The following VPS54 variants were observed in gnomAD, a reference collection of about 807,000 sequenced individuals.
The protein encoded by VPS54 is vacuolar protein sorting-associated protein 54.
A neutral mutation model predicts 121.5 loss-of-function variants in VPS54; 45 were observed. The ratio of observed to expected loss-of-function variants is 0.37; its 90% CI spans 0.29 to 0.47. The LOEUF (loss-of-function observed/expected upper bound fraction) is 0.47. VPS54 is among the 20% of genes least tolerant of loss of function. VPS54 has a pLI of 0.99. For missense variants in VPS54, 1,090 were observed against 1,131.4 expected (o/e 0.96, Z 0.52); for synonymous variants, 371 against 385.8 (o/e 0.96, Z 0.45).
intron 1 of VPS54, among the ~76,000 whole-genome samples, chr2:64,018,731 G>A (rs1678830178): frequency 7.1e-6 from 1 of 141,194 alleles, no homozygotes; most frequent in Admixed American, 7.1e-5. Context: ...CCCGATCCCG[G>A]AGGGAGAGTG....
chr2:63,928,031 G>A (rs1410989259), intron 12 of VPS54, among the ~76,000 whole-genome samples: 5 of 152,184 alleles, frequency 3.3e-5, no homozygotes, highest in Non-Finnish European at 2.9e-5. Context: ...CCAAATCTAC[G>A]TTTGATTGGT....
intron 12 of VPS54, among the ~76,000 whole-genome samples, chr2:63,928,729 G>C (rs1674038543): frequency 6.6e-6 from 1 of 151,514 alleles, no homozygotes. Context: ...TGGATAAAGA[G>C]TCAAGACCCA....
chr2:63,929,083 C>A (rs1003660300), intron 12 of VPS54, among the ~76,000 whole-genome samples: 6 of 152,206 alleles, frequency 3.9e-5, no homozygotes, highest in Non-Finnish European at 7.4e-5. Flanking sequence ...GACGTTAATA[C>A]CCCACTGTCA....
chr2:63,989,188 T>G (rs1490075937), intron 1 of VPS54, among the ~76,000 whole-genome samples: 1 of 152,210 alleles, frequency 6.6e-6, no homozygotes, highest in Admixed American at 6.5e-5. Flanking sequence ...TGTTTATCAA[T>G]GACAGTGCCT....
intron 1 of VPS54, among the ~76,000 whole-genome samples, chr2:63,997,357 A>G (rs1677645493): frequency 6.6e-6 from 1 of 152,216 alleles, no homozygotes; most frequent in South Asian, 2.1e-4. Context: ...GAGACTTTTC[A>G]TCACAACTTT....
At chr2:63,951,222 T>C (rs1675225502) in intron 7 of VPS54, among the ~76,000 whole-genome samples, 1 of 151,538 alleles carries the variant, frequency 6.6e-6, no homozygotes, top group Admixed American at 6.6e-5. Flanking sequence ...TTTTTTTTTT[T>C]TTTACAGTCA....
Position 63,893,300 on chromosome 2 carries a change from C to G in VPS54, c.*130G>C. ...CCAGTTTCCCAACACTTGATACTTT[C>G]CTTTTTCCCTTCCCCCACCCCAGTT... On this transcript the variant is annotated 3_prime_UTR_variant, in exon 23 of 23. Coordinates refer to ENST00000272322, the MANE Select transcript of VPS54 (RefSeq NM_016516.3). 2.4e-6 allele frequency: 2 copies of G among 835,878 alleles called. No homozygotes were observed. The highest frequency in any genetic ancestry group is 2.1e-6 in the Non-Finnish European group (1 of 476,902). The allele number at this position is 835,878 out of a possible 1,614,324, so 51.8% of individuals were successfully genotyped here.
intron 3 of VPS54, among the ~76,000 whole-genome samples, 156 bp downstream of exon 3, chr2:63,981,490 A>G (rs1422415727): frequency 6.6e-6 from 1 of 152,178 alleles, no homozygotes; most frequent in Non-Finnish European, 1.5e-5. Context: ...TATTTAAGCA[A>G]AGAATTAAAT....
intron 11 of VPS54, 112 bp downstream of exon 11, chr2:63,942,353 A>G: frequency 1.3e-6 from 1 of 754,640 alleles, no homozygotes; most frequent in Non-Finnish European, 1.9e-6. Flanking sequence ...AAAAATTACA[A>G]AAACAAAGAA....
intron 1 of VPS54, among the ~76,000 whole-genome samples, chr2:64,007,699 A>C (rs1198582976): frequency 6.6e-6 from 1 of 152,208 alleles, no homozygotes; most frequent in African/African-American, 2.4e-5. Flanking sequence ...GATATTACAA[A>C]TGGAGAAAGT....
rs779928101 is a variant in VPS54 at position 63,981,654 on chromosome 2, T to C, written c.370A>G (p.Ile124Val). 3 of 1,580,882 alleles carry C rather than the reference T, an allele frequency of 1.9e-6. No homozygotes were observed. Among genetic ancestry groups the C allele is most frequent in the Admixed American group, 1.8e-5 (1 of 56,104 alleles). ...CCAAGATTAGATATTACCTGAGAGA[T>C]TTCCTGTTGATATACTGTAAAATGT... ...KEHFTVYQQE[I>V]SQREKIHERC... The change falls in exon 3 of 23, where the codon ATC becomes GTC. Residue 124 changes from isoleucine (I) to valine (V), a missense_variant. By Grantham distance (29) the Ile-to-Val change is conservative (BLOSUM62 3). Coordinates refer to ENST00000272322, the MANE Select transcript of VPS54 (RefSeq NM_016516.3).
intron 1 of VPS54, among the ~76,000 whole-genome samples, chr2:64,004,209 T>C (rs907710936): frequency 2.7e-5 from 4 of 148,948 alleles, no homozygotes; most frequent in African/African-American, 9.8e-5. Flanking sequence ...GGAAAGGGGG[T>C]GGGGAAAGAA....
chr2:63,899,689 G>T, intron 20 of VPS54, 108 bp from the exon 21 acceptor site: 3 of 865,548 alleles, frequency 3.5e-6, no homozygotes, highest in East Asian at 2.5e-5. Flanking sequence ...TCCAATTCTG[G>T]CATAGTACTT....
At chr2:63,921,367 A>G in intron 12 of VPS54, 32 bp from the exon 13 acceptor site, 2 of 1,607,886 alleles carry the variant, frequency 1.2e-6, no homozygotes, top group Non-Finnish European at 1.7e-6. Context: ...TTAGTCAGGG[A>G]AAGTTGTAAA....
chr2:63,948,523 A>G (rs1276546202), intron 8 of VPS54, among the ~76,000 whole-genome samples: 1 of 150,520 alleles, frequency 6.6e-6, no homozygotes, highest in African/African-American at 2.4e-5. Flanking sequence ...TAGCCACCCA[A>G]GTAGCTGGGA....
intron 12 of VPS54, among the ~76,000 whole-genome samples, chr2:63,922,907 T>G (rs1259929685): frequency 6.9e-6 from 1 of 144,796 alleles, no homozygotes. Flanking sequence ...AAACAGAAAA[T>G]AGCAAATAAA....
chr2:63,895,367 T>C (rs1672404277), intron 22 of VPS54, among the ~76,000 whole-genome samples: 1 of 152,170 alleles, frequency 6.6e-6, no homozygotes, highest in African/African-American at 2.4e-5. Context: ...GGCAGGAGAA[T>C]TGCTTGAACC....
chr2:63,901,469 C>T (rs938526806), intron 20 of VPS54, among the ~76,000 whole-genome samples: 1 of 152,192 alleles, frequency 6.6e-6, no homozygotes. Context: ...TGCACTCATG[C>T]ACAAGTTTTA....
At chr2:63,908,003 T>C (rs1241342486) in intron 20 of VPS54, among the ~76,000 whole-genome samples, 1 of 152,188 alleles carries the variant, frequency 6.6e-6, no homozygotes, top group African/African-American at 2.4e-5. Flanking sequence ...TTTTGCAGTT[T>C]CTTATAAAGT....
Sources: allele counts gnomAD v4.1 joint callset (sites outside exome capture counted in the v4.1 genomes callset), GRCh38; gene constraint gnomAD v4.1.1; transcripts MANE v1.5; gene names NCBI Gene and HGNC (gene_info 2026-07-23, HGNC 2026-07-21).